KCNH5: variants seen among roughly 807,000 people sequenced by gnomAD.
KCNH5 encodes the protein potassium voltage-gated channel subfamily H member 5, also known as voltage-gated delayed rectifier potassium channel KCNH5.
Under a neutral mutation model 96.1 loss-of-function variants are expected in KCNH5, and 46 were observed. The ratio of observed to expected loss-of-function variants is 0.48; its 90% confidence interval spans 0.38 to 0.61. The LOEUF is 0.61. Ranked by LOEUF, KCNH5 falls within the 20% of genes least tolerant of loss-of-function variation. KCNH5 has a pLI of 0.00. For synonymous variants in KCNH5, 439 were observed against 449.8 expected, an observed-to-expected ratio of 0.98 and a Z score of 0.30; for missense variants, 907 against 1,225.8, an observed-to-expected ratio of 0.74 and a Z score of 3.88.
At chr14:62,978,425 C>T (rs1890542045) in intron 6 of KCNH5, among the ~76,000 whole-genome samples, 3 of 151,914 alleles carry the variant, frequency 2.0e-5, no homozygotes, top group Non-Finnish European at 4.4e-5. Context: ...GTCTTTGCAG[C>T]GTGATAAATG....
At chr14:62,791,171 C>T (rs1341388154) in intron 9 of KCNH5, among the ~76,000 whole-genome samples, 1 of 151,470 alleles carries the variant, frequency 6.6e-6, no homozygotes, top group Non-Finnish European at 1.5e-5. Context: ...ATAATAACTA[C>T]CAAAATGAAA....
intron 4 of KCNH5, among the ~76,000 whole-genome samples, chr14:63,000,910 A>G (rs10142445): frequency 0.047 from 7,187 of 152,228 alleles, 199 homozygotes; most frequent in East Asian, 0.062. Context: ...CCCTGACTCT[A>G]TAAAAAATAG....
At chr14:62,824,875 C>T (rs2140021376) in intron 8 of KCNH5, among the ~76,000 whole-genome samples, 1 of 152,144 alleles carries the variant, frequency 6.6e-6, no homozygotes, top group Non-Finnish European at 1.5e-5. Context: ...CTCTGGTTTT[C>T]TGTGTTAATT....
intron 8 of KCNH5, among the ~76,000 whole-genome samples, chr14:62,840,574 T>C (rs1163730724): frequency 2.8e-4 from 38 of 134,348 alleles, no homozygotes; most frequent in African/African-American, 3.9e-4. Context: ...TTCTTTTTTT[T>C]TTTTTTTTTT....
chr14:62,758,019 C>A (rs1242233531), intron 10 of KCNH5, among the ~76,000 whole-genome samples: 6 of 152,060 alleles, frequency 3.9e-5, no homozygotes, highest in Admixed American at 3.9e-4. Flanking sequence ...GTGGCATGCA[C>A]CTGTAATCCC....
At chr14:63,004,291 T>C (rs1052741803) in intron 3 of KCNH5, among the ~76,000 whole-genome samples, 6 of 152,194 alleles carry the variant, frequency 3.9e-5, no homozygotes, top group African/African-American at 1.4e-4. Flanking sequence ...TTATAATACA[T>C]GGATAACACC....
chr14:62,729,512 C>A (rs1885005624), intron 10 of KCNH5, among the ~76,000 whole-genome samples: 1 of 152,076 alleles, frequency 6.6e-6, no homozygotes. Flanking sequence ...GTTTCCAGAC[C>A]TGAGCAACAG....
intron 10 of KCNH5, among the ~76,000 whole-genome samples, chr14:62,742,171 T>TA (rs1389203311): frequency 4.6e-5 from 7 of 152,102 alleles, no homozygotes; most frequent in Non-Finnish European, 7.4e-5. Flanking sequence ...CAAAAAAGAA[T>TA]AGAGTGCTCT....
At chr14:62,945,412 G>T (rs1224783608) in intron 7 of KCNH5, among the ~76,000 whole-genome samples, 1 of 152,100 alleles carries the variant, frequency 6.6e-6, no homozygotes, top group Non-Finnish European at 1.5e-5. Flanking sequence ...GATCTAACTG[G>T]GATGGATTCA....
chr14:62,994,268 C>G (rs994493943), intron 4 of KCNH5, among the ~76,000 whole-genome samples: 1 of 151,936 alleles, frequency 6.6e-6, no homozygotes, highest in African/African-American at 2.4e-5. Context: ...ATTTTTTATT[C>G]TATGGGAATT....
chr14:62,715,646 C>A (rs1412542894), intron 10 of KCNH5, among the ~76,000 whole-genome samples: 1 of 152,174 alleles, frequency 6.6e-6, no homozygotes, highest in South Asian at 2.1e-4. Flanking sequence ...TGAGATGTGG[C>A]AGCCTTGTTT....
At chr14:62,781,430 C>T (rs563653526) in intron 9 of KCNH5, among the ~76,000 whole-genome samples, 6 of 152,260 alleles carry the variant, frequency 3.9e-5, no homozygotes, top group Non-Finnish European at 8.8e-5. Context: ...ACCGGTCTGA[C>T]CAAAATTTAC....
rs928411660 is a variant in KCNH5, at chr14:62,700,335, G to C, written c.*7173C>G. ...TTCATAACAATCACTTAAGAAATCT[G>C]TTCCTAATATGAAATGCATATTCCC... On this transcript the variant is annotated 3_prime_UTR_variant, in exon 11 of 11. Coordinates refer to ENST00000322893, the MANE Select transcript of KCNH5 (RefSeq NM_139318.5). 6.6e-6 allele frequency: 1 copy of C among 152,154 alleles called. No individual in the cohort carries two copies. Among genetic ancestry groups the C allele is most frequent in the Non-Finnish European group, 1.5e-5 (1 of 68,030 alleles). The allele number at this position is 152,154 out of a possible 1,614,324, so 9.4% of individuals were successfully genotyped here. A position where few individuals can be genotyped will look rare whatever the true frequency, so the allele number is the denominator to read the frequency against.
chr14:62,757,717 T>A (rs140084580), intron 10 of KCNH5, among the ~76,000 whole-genome samples: 167 of 152,064 alleles, frequency 1.1e-3, no homozygotes, highest in African/African-American at 3.9e-3. Flanking sequence ...AAAGACAAGA[T>A]GTTCTCACTT....
At position 62,887,679 on chromosome 14, in the gene KCNH5, T is replaced by C. The variant is rs1243949261; in HGVS notation, c.1370-37827A>G. On this transcript the variant is annotated intron_variant, in intron 7 of 10. Coordinates refer to ENST00000322893, the MANE Select transcript of KCNH5 (RefSeq NM_139318.5). The stretch of plus-strand genomic sequence containing the variant: ...GCGTTCCAGCTTCTGGGTCAGAGAA[T>C]ACATGTATGAGGTGGGGAGAAAAGA... 2.6e-5 allele frequency among the ~76,000 whole-genome samples: 4 copies of C among 152,040 alleles called. No individual in the cohort carries two copies. In the East Asian group the frequency reaches 7.7e-4, roughly 29 times the overall value.
At chr14:62,978,505 T>C (rs2139565399) in intron 6 of KCNH5, among the ~76,000 whole-genome samples, 2 of 150,800 alleles carry the variant, frequency 1.3e-5, no homozygotes, top group Non-Finnish European at 2.9e-5. Flanking sequence ...GAGAATGGCG[T>C]GAACCCGGGA....
chr14:62,984,966 C>A (rs566608967), intron 5 of KCNH5, among the ~76,000 whole-genome samples: 1 of 152,176 alleles, frequency 6.6e-6, no homozygotes, highest in South Asian at 2.1e-4. Context: ...AAAGAAAAAT[C>A]CTGAATCAGG....
intron 5 of KCNH5, among the ~76,000 whole-genome samples, chr14:62,986,144 C>A (rs1890702700): frequency 6.6e-6 from 1 of 152,150 alleles, no homozygotes; most frequent in Admixed American, 6.6e-5. Flanking sequence ...GGTTTCCCTA[C>A]CTCCCCATTC....
chr14:62,846,093 C>T (rs79439656), intron 8 of KCNH5, among the ~76,000 whole-genome samples: 104 of 152,296 alleles, frequency 6.8e-4, no homozygotes, highest in African/African-American at 2.4e-3. Flanking sequence ...GATTGGGCAT[C>T]ATCTTTGACC....
Sources: allele counts gnomAD v4.1 joint callset (sites outside exome capture counted in the v4.1 genomes callset), GRCh38; gene constraint gnomAD v4.1.1; transcripts MANE v1.5; gene names NCBI Gene and HGNC (gene_info 2026-07-23, HGNC 2026-07-21).